TMEM117: variants seen among roughly 807,000 people sequenced by gnomAD.
TMEM117 encodes the protein transmembrane protein 117.
A neutral mutation model predicts 52.4 loss-of-function variants in TMEM117; 27 were observed. The ratio of observed to expected loss-of-function variants is 0.51; its 90% confidence interval spans 0.38 to 0.71. TMEM117 has a LOEUF of 0.71. Ranked by LOEUF, TMEM117 falls within the 30% of genes least tolerant of loss-of-function variation. The pLI, the probability that TMEM117 is intolerant of heterozygous loss-of-function variation, is 0.00. For missense variants in TMEM117, 556 were observed against 630.5 expected, an observed-to-expected ratio of 0.88 and a Z score of 1.26; for synonymous variants, 215 against 206.3, an observed-to-expected ratio of 1.04 and a Z score of -0.36.
intron 7 of TMEM117, among the ~76,000 whole-genome samples, chr12:44,386,272 A>G (rs1233213421): frequency 6.6e-6 from 1 of 152,122 alleles, no homozygotes; most frequent in Non-Finnish European, 1.5e-5. Context: ...GGAGTCTGTT[A>G]TGGTTGATCT....
intron 2 of TMEM117, among the ~76,000 whole-genome samples, chr12:43,931,955 G>T (rs1171464401): frequency 2.0e-5 from 3 of 152,106 alleles, no homozygotes; most frequent in Non-Finnish European, 4.4e-5. Context: ...TGGGCGTTTG[G>T]TCTGAAAGTA....
chr12:44,047,093 C>T (rs935486907), intron 3 of TMEM117, among the ~76,000 whole-genome samples: 7 of 151,286 alleles, frequency 4.6e-5, no homozygotes, highest in African/African-American at 9.7e-5. Context: ...TGGGTGTTGC[C>T]GAAATAGATT....
chr12:44,231,185 T>G (rs1949927844), intron 5 of TMEM117, among the ~76,000 whole-genome samples: 1 of 151,972 alleles, frequency 6.6e-6, no homozygotes, highest in African/African-American at 2.4e-5. Context: ...TTTCACCAAT[T>G]GCACATGCAT....
intron 6 of TMEM117, among the ~76,000 whole-genome samples, chr12:44,371,554 T>C (rs1009776084): frequency 1.7e-4 from 26 of 152,154 alleles, no homozygotes; most frequent in African/African-American, 5.5e-4. Flanking sequence ...TTTCGCAGGG[T>C]AGGGTAATCA....
chr12:44,317,891 A>G (rs1034383452), intron 6 of TMEM117, among the ~76,000 whole-genome samples: 2 of 152,196 alleles, frequency 1.3e-5, no homozygotes, highest in South Asian at 2.1e-4. Context: ...GAACCAAGAG[A>G]GTAGGGCCTG....
chr12:44,126,298 G>A (rs1184396059), intron 3 of TMEM117, among the ~76,000 whole-genome samples: 2 of 152,132 alleles, frequency 1.3e-5, no homozygotes, highest in Non-Finnish European at 1.5e-5. Context: ...ATTGTTCAAA[G>A]GTCAACTGTA....
intron 3 of TMEM117, among the ~76,000 whole-genome samples, chr12:44,049,397 A>G (rs1185704917): frequency 2.0e-5 from 3 of 152,076 alleles, no homozygotes; most frequent in Non-Finnish European, 4.4e-5. Context: ...GGGGAACATC[A>G]CACACCCAGG....
At chr12:44,153,105 A>G (rs1302179577) in intron 4 of TMEM117, among the ~76,000 whole-genome samples, 3 of 151,812 alleles carry the variant, frequency 2.0e-5, no homozygotes, top group Non-Finnish European at 4.4e-5. Flanking sequence ...CTCAGCTAAT[A>G]TTAATGAGTA....
At chr12:44,056,295 A>T (rs1947053739) in intron 3 of TMEM117, among the ~76,000 whole-genome samples, 1 of 152,096 alleles carries the variant, frequency 6.6e-6, no homozygotes, top group Admixed American at 6.5e-5. Context: ...TGCTTTTTGT[A>T]ATGTGCCACT....
At chr12:44,074,709 C>A (rs1334501648) in intron 3 of TMEM117, among the ~76,000 whole-genome samples, 2 of 151,936 alleles carry the variant, frequency 1.3e-5, no homozygotes, top group South Asian at 4.1e-4. Flanking sequence ...TGGTCTAAAG[C>A]AAAAAGATGT....
chr12:44,062,436 T>C (rs543270166), intron 3 of TMEM117, among the ~76,000 whole-genome samples: 3 of 152,346 alleles, frequency 2.0e-5, no homozygotes, highest in Admixed American at 6.5e-5. Context: ...TCTATATAGA[T>C]GTGCATACCG....
At chr12:44,306,188 G>T (rs778139020) in intron 6 of TMEM117, among the ~76,000 whole-genome samples, 1 of 151,392 alleles carries the variant, frequency 6.6e-6, no homozygotes, top group Non-Finnish European at 1.5e-5. Flanking sequence ...GCTCTCTCCT[G>T]GGCAACAGGG....
At chr12:44,261,650 A>C (rs1253759523) in intron 5 of TMEM117, among the ~76,000 whole-genome samples, 2 of 152,222 alleles carry the variant, frequency 1.3e-5, no homozygotes, top group African/African-American at 4.8e-5. Context: ...CATAGATGGA[A>C]GGTACGATGG....
intron 2 of TMEM117, among the ~76,000 whole-genome samples, chr12:43,923,467 C>G (rs1944727740): frequency 6.6e-6 from 1 of 152,158 alleles, no homozygotes; most frequent in South Asian, 2.1e-4. Context: ...CCTGTTTTAT[C>G]TTATGTGTTA....
At chr12:44,109,954 A>T (rs1948028343) in intron 3 of TMEM117, among the ~76,000 whole-genome samples, 1 of 91,604 alleles carries the variant, frequency 1.1e-5, no homozygotes, top group African/African-American at 5.9e-5. Context: ...TAGGTATTTT[A>T]TTCTCTTGGA....
At chr12:43,856,047 C>G (rs1255321723) in intron 2 of TMEM117, among the ~76,000 whole-genome samples, 1 of 152,162 alleles carries the variant, frequency 6.6e-6, no homozygotes, top group African/African-American at 2.4e-5. Flanking sequence ...AAATAACCAA[C>G]AAGTTATCAT....
At chr12:44,266,863 A>C (rs192734073) in intron 5 of TMEM117, among the ~76,000 whole-genome samples, 25 of 152,250 alleles carry the variant, frequency 1.6e-4, no homozygotes, top group Admixed American at 1.3e-3. Flanking sequence ...TTTGTTGGAA[A>C]GATTATTCTT....
intron 3 of TMEM117, among the ~76,000 whole-genome samples, chr12:44,108,033 T>C (rs1053465685): frequency 2.0e-5 from 3 of 152,138 alleles, no homozygotes; most frequent in Non-Finnish European, 4.4e-5. Context: ...TTTTTCATTC[T>C]GATACTTTTT....
chr12:44,250,340 A>T (rs1055376076), intron 5 of TMEM117, among the ~76,000 whole-genome samples: 6 of 152,332 alleles, frequency 3.9e-5, no homozygotes, highest in African/African-American at 1.4e-4. Context: ...AGGAAACGGT[A>T]GATACTGGCG....
Sources: allele counts gnomAD v4.1 joint callset (sites outside exome capture counted in the v4.1 genomes callset), GRCh38; gene constraint gnomAD v4.1.1; transcripts MANE v1.5; gene names NCBI Gene and HGNC (gene_info 2026-07-23, HGNC 2026-07-21).